FRMD4A: variants seen among roughly 807,000 people sequenced by gnomAD.
The protein encoded by FRMD4A is FERM domain containing 4A, also known as FERM domain-containing protein 4A.
In FRMD4A, 29 loss-of-function variants were observed where a neutral mutation model predicts 129.1. The observed-to-expected ratio is 0.22, with a 90% CI of 0.17 to 0.31. FRMD4A has a LOEUF of 0.31. FRMD4A is among the 10% of genes least tolerant of loss of function. FRMD4A has a pLI of 1.00. For synonymous variants in FRMD4A, 634 were observed against 571.6 expected, an observed-to-expected ratio of 1.11 and a Z score of -1.56; for missense variants, 1,272 against 1,375.8, an observed-to-expected ratio of 0.92 and a Z score of 1.19.
At chr10:14,039,861 C>T (rs553385533) in intron 2 of FRMD4A, among the ~76,000 whole-genome samples, 5 of 152,222 alleles carry the variant, frequency 3.3e-5, no homozygotes, top group African/African-American at 1.2e-4. Context: ...GTGTCACGGC[C>T]GTGCATCCTT....
chr10:14,241,271 C>G (rs1844032139), intron 2 of FRMD4A, among the ~76,000 whole-genome samples: 1 of 152,188 alleles, frequency 6.6e-6, no homozygotes, highest in Non-Finnish European at 1.5e-5. Context: ...AATCAGTCCT[C>G]ATTCAGAGAA....
At chr10:13,668,920 G>A (rs1252093088) in intron 17 of FRMD4A, among the ~76,000 whole-genome samples, 2 of 152,192 alleles carry the variant, frequency 1.3e-5, no homozygotes, top group East Asian at 3.9e-4. Flanking sequence ...ACAAGCAACT[G>A]TTTGCTGAGC....
chr10:13,904,362 T>C (rs1255464204), intron 2 of FRMD4A, among the ~76,000 whole-genome samples: 1 of 152,168 alleles, frequency 6.6e-6, no homozygotes, highest in Non-Finnish European at 1.5e-5. Context: ...TCCCACTCAC[T>C]CTTCCAGCTC....
intron 2 of FRMD4A, among the ~76,000 whole-genome samples, chr10:14,242,129 T>C (rs1242778471): frequency 6.6e-6 from 1 of 152,106 alleles, no homozygotes; most frequent in African/African-American, 2.4e-5. Flanking sequence ...ACCTCAGACA[T>C]GTAGGAAAAA....
chr10:13,792,561 T>C (rs1274143192), intron 5 of FRMD4A, among the ~76,000 whole-genome samples: 7 of 152,176 alleles, frequency 4.6e-5, no homozygotes, highest in African/African-American at 1.7e-4. Flanking sequence ...TTATGGACCA[T>C]CCTGGGCCCC....
chr10:14,294,943 T>C (rs1485559297), intron 2 of FRMD4A, among the ~76,000 whole-genome samples: 1 of 152,194 alleles, frequency 6.6e-6, no homozygotes, highest in Non-Finnish European at 1.5e-5. Flanking sequence ...TATCCTGGTA[T>C]CAGGGGGATG....
intron 2 of FRMD4A, among the ~76,000 whole-genome samples, chr10:13,987,908 G>C (rs2095587720): frequency 6.6e-6 from 1 of 152,166 alleles, no homozygotes; most frequent in Non-Finnish European, 1.5e-5. Flanking sequence ...TAAAGGAAGA[G>C]AAAAAATAAA....
At chr10:13,985,044 T>A (rs1176055523) in intron 2 of FRMD4A, among the ~76,000 whole-genome samples, 1 of 152,226 alleles carries the variant, frequency 6.6e-6, no homozygotes, top group Non-Finnish European at 1.5e-5. Context: ...CCTGCTGACA[T>A]CTAGGAGTGG....
chr10:14,196,746 T>C (rs1020582943), intron 2 of FRMD4A, among the ~76,000 whole-genome samples: 4 of 152,238 alleles, frequency 2.6e-5, no homozygotes, highest in Non-Finnish European at 5.9e-5. Context: ...ATTCAATAAA[T>C]GTTAACTATT....
intron 2 of FRMD4A, among the ~76,000 whole-genome samples, chr10:14,106,620 C>T (rs554279042): frequency 3.3e-5 from 5 of 152,318 alleles, no homozygotes; most frequent in African/African-American, 9.6e-5. Flanking sequence ...CTCAATGTCA[C>T]CAACACCATT....
At chr10:13,934,793 A>T (rs868380585) in intron 2 of FRMD4A, among the ~76,000 whole-genome samples, 1 of 152,226 alleles carries the variant, frequency 6.6e-6, no homozygotes, top group South Asian at 2.1e-4. Flanking sequence ...TCAGGTTATG[A>T]AGAGAACCAT....
intron 17 of FRMD4A, 75 bp from the exon 18 acceptor site, chr10:13,666,400 C>G: frequency 9.6e-7 from 1 of 1,041,660 alleles, no homozygotes. Context: ...CCTCCCCTGT[C>G]CCAAGGCAAG....
intron 2 of FRMD4A, among the ~76,000 whole-genome samples, chr10:13,898,934 G>C (rs1419619278): frequency 1.3e-5 from 2 of 152,160 alleles, no homozygotes; most frequent in Non-Finnish European, 2.9e-5. Context: ...TGTAATTCCA[G>C]CTCTCTGGAG....
chr10:13,916,265 T>C lies in FRMD4A; in HGVS notation c.46-57353A>G, dbSNP rs536820802. On this transcript the variant is annotated intron_variant, in intron 2 of 24. Transcript: ENST00000357447. ...TCATCTGCCTGGTCACCGCTGTAGA[T>C]TGTTCACTTTGGCTTTGCCTCCCAT... Among the ~76,000 whole-genome samples the C allele has an allele frequency of 5.3e-5, 8 of 152,296 alleles. No individual in the cohort carries two copies. In the East Asian group the frequency reaches 1.5e-3, roughly 29 times the overall value.
chr10:14,270,629 C>T (rs904309161), intron 2 of FRMD4A, among the ~76,000 whole-genome samples: 4 of 152,202 alleles, frequency 2.6e-5, no homozygotes, highest in Admixed American at 6.5e-5. Context: ...CAAAGCTGCT[C>T]ATGATAGGTG....
At chr10:13,851,441 G>T (rs1344912721) in intron 3 of FRMD4A, among the ~76,000 whole-genome samples, 1 of 152,162 alleles carries the variant, frequency 6.6e-6, no homozygotes, top group East Asian at 1.9e-4. Context: ...TGCACAGCAG[G>T]AGATGAGCAG....
At chr10:13,810,121 G>A (rs2093421382) in intron 4 of FRMD4A, among the ~76,000 whole-genome samples, 1 of 152,212 alleles carries the variant, frequency 6.6e-6, no homozygotes, top group Non-Finnish European at 1.5e-5. Context: ...GTGACTGTAC[G>A]TGTGTGCACA....
At chr10:13,855,620 C>T (rs2094202579) in intron 3 of FRMD4A, among the ~76,000 whole-genome samples, 2 of 152,156 alleles carry the variant, frequency 1.3e-5, no homozygotes, top group African/African-American at 4.8e-5. Flanking sequence ...AGGCTTATTA[C>T]AAATGTTCTG....
At chr10:13,760,481 T>G (rs2092025477) in intron 8 of FRMD4A, among the ~76,000 whole-genome samples, 1 of 147,216 alleles carries the variant, frequency 6.8e-6, no homozygotes, top group South Asian at 2.1e-4. Flanking sequence ...ACTGCACCAC[T>G]GCACTCCAGC....
Sources: gnomAD v4.1 joint callset for allele counts (sites outside exome capture counted in the v4.1 genomes callset) on GRCh38, gnomAD v4.1.1 for gene constraint, MANE v1.5 for transcripts, NCBI Gene and HGNC (gene_info 2026-07-23, HGNC 2026-07-21) for gene names.